The following DNAH3 variants were observed in gnomAD, a reference collection of about 807,000 sequenced individuals.
DNAH3 encodes dynein axonemal heavy chain 3.
A neutral mutation model predicts 432.5 loss-of-function variants in DNAH3; 332 were observed. The observed-to-expected ratio is 0.77, with a 90% CI of 0.70 to 0.84. The LOEUF is 0.84. Among genes scored for constraint, DNAH3 ranks in the 40% least tolerant of loss-of-function variants. The pLI is 0.00. For missense variants in DNAH3, 4,861 were observed against 5,114.0 expected, an observed-to-expected ratio of 0.95 and a Z score of 1.51; for synonymous variants, 1,956 against 1,900.2, an observed-to-expected ratio of 1.03 and a Z score of -0.76.
intron 3 of DNAH3, among the ~76,000 whole-genome samples, chr16:21,143,504 A>C (rs1430066801): frequency 6.6e-6 from 1 of 152,210 alleles, no homozygotes; most frequent in Admixed American, 6.5e-5. Context: ...CCAGAACCAC[A>C]AGATATGAAT....
intron 10 of DNAH3, chr16:21,121,002 T>C (rs749905315): frequency 1.4e-6 from 1 of 719,178 alleles, no homozygotes; most frequent in South Asian, 1.5e-5. Context: ...AAGTACCAGA[T>C]TGCAAAGAGA....
rs141411849 is a variant in DNAH3 at position 20,972,033 on chromosome 16, C to A, written c.8260-2043G>T. ...AACATTAAAGAGTTGCCAATTCATG[C>A]GCCTCAGGGGCCAGGCCAGTGAGTG... On this transcript the variant is annotated intron_variant, in intron 51 of 61. Transcript: ENST00000261383. 3.5e-3 allele frequency among the ~76,000 whole-genome samples: 534 copies of A among 152,278 alleles called. 3 individuals are homozygous for A. Among genetic ancestry groups the A allele is most frequent in the Non-Finnish European group, 6.2e-3 (424 of 68,024 alleles).
chr16:20,937,656 G>A (rs2083644643), intron 59 of DNAH3, among the ~76,000 whole-genome samples: 1 of 150,732 alleles, frequency 6.6e-6, no homozygotes, highest in Admixed American at 6.7e-5. Flanking sequence ...AGTCTCCTGA[G>A]TAGCTGGGAC....
At chr16:21,069,332 G>C in intron 23 of DNAH3, 83 bp downstream of exon 23, 1 of 1,228,726 alleles carries the variant, frequency 8.1e-7, no homozygotes, top group Non-Finnish European at 1.2e-6. Context: ...TCATTTACAA[G>C]TTTCAAGGAA....
intron 20 of DNAH3, 48 bp from the exon 21 acceptor site, chr16:21,075,609 A>G: frequency 1.4e-6 from 2 of 1,450,178 alleles, no homozygotes; most frequent in Non-Finnish European, 1.9e-6. Flanking sequence ...GGCAGAGAAG[A>G]CACATCAAAG....
rs2090394576 is a variant in DNAH3 at position 21,062,477 on chromosome 16, G to A, written c.3720+5C>T. The A allele has an allele frequency of 6.2e-7, 1 of 1,613,802 alleles. No homozygotes were observed. The highest frequency in any genetic ancestry group is 1.3e-5 in the African/African-American group (1 of 75,048). On this transcript the variant is annotated splice_donor_5th_base_variant and intron_variant, in intron 25 of 61. Transcript: ENST00000261383. ...AAAGAACCAAAAATGGGTAAGAGGAGTTACCTTGGCATTAGCTGGGTAGAT... is the reference window on the plus strand; with the variant it reads ...AAAGAACCAAAAATGGGTAAGAGGAATTACCTTGGCATTAGCTGGGTAGAT...
chr16:21,032,702 A>G (rs982311579), intron 36 of DNAH3, among the ~76,000 whole-genome samples: 6 of 151,884 alleles, frequency 4.0e-5, no homozygotes, highest in Non-Finnish European at 8.8e-5. Context: ...GATCCCAGCT[A>G]CCCGGGAGCC....
intron 11 of DNAH3, 43 bp from the exon 12 acceptor site, chr16:21,117,382 A>T: frequency 8.9e-7 from 1 of 1,119,392 alleles, no homozygotes; most frequent in Non-Finnish European, 1.3e-6. Flanking sequence ...AGACTTAAGA[A>T]GGGAGATGGT....
chr16:21,052,491 A>G (rs2089994375), intron 28 of DNAH3, among the ~76,000 whole-genome samples: 1 of 152,216 alleles, frequency 6.6e-6, no homozygotes, highest in African/African-American at 2.4e-5. Context: ...TGATTCCACC[A>G]TGACCTAGCT....
At chr16:21,125,457 G>A (rs1156239154) in intron 8 of DNAH3, 87 bp from the exon 10 acceptor site, 4 of 1,136,690 alleles carry the variant, frequency 3.5e-6, no homozygotes, top group Non-Finnish European at 4.8e-6. Context: ...CAGTGATGAG[G>A]CAGATGGGCT....
At chr16:20,961,762 T>TGG (rs57990586) in intron 53 of DNAH3, among the ~76,000 whole-genome samples, 2 of 136,334 alleles carry the variant, frequency 1.5e-5, no homozygotes, top group African/African-American at 5.6e-5. Flanking sequence ...TTCTGGTTTT[T>TGG]TTTTTTTTTT....
At chr16:21,057,504 G>A (rs771888149) in intron 27 of DNAH3, among the ~76,000 whole-genome samples, 2 of 152,174 alleles carry the variant, frequency 1.3e-5, no homozygotes, top group Admixed American at 1.3e-4. Context: ...TGAGAGTCGG[G>A]TTAAGTTGCT....
intron 1 of DNAH3, among the ~76,000 whole-genome samples, chr16:21,149,431 A>G (rs1251679291): frequency 6.6e-6 from 1 of 152,184 alleles, no homozygotes; most frequent in African/African-American, 2.4e-5. Flanking sequence ...CACAGATACA[A>G]CAGAAATTCT....
chr16:20,987,164 C>G, intron 47 of DNAH3, 141 bp downstream of exon 47: 1 of 976,096 alleles, frequency 1.0e-6, no homozygotes, highest in East Asian at 2.5e-5. Flanking sequence ...TCAAAAAGAG[C>G]AGTTGACTCA....
At chr16:21,133,335 C>T (rs1007329421) in intron 7 of DNAH3, among the ~76,000 whole-genome samples, 1 of 145,526 alleles carries the variant, frequency 6.9e-6, no homozygotes, top group Non-Finnish European at 1.5e-5. Context: ...TGCACTCCAG[C>T]CTGGGTGACA....
chr16:20,970,030 G>T, intron 51 of DNAH3, 40 bp from the exon 52 acceptor site: 1 of 1,594,082 alleles, frequency 6.3e-7, no homozygotes, highest in Non-Finnish European at 8.6e-7. Flanking sequence ...AGTGCCCAGG[G>T]CCTGGCACAA....
Position 21,106,512 on chromosome 16 carries a change from CA to C in DNAH3, c.2261del (p.Leu754ArgfsTer33). ...TACACGGCAAGTCTGCATAGTCCAT[CA>C]GGAACTCCAGCCGTTCACTTGCATC... On this transcript the variant is annotated frameshift_variant, in exon 15 of 62. Coordinates refer to ENST00000261383, the Ensembl canonical transcript of DNAH3. LOFTEE classifies it high-confidence loss of function. 6.2e-7 allele frequency: 1 copy of C among 1,610,338 alleles called. No individual in the cohort carries two copies. The highest frequency in any genetic ancestry group is 8.5e-7 in the Non-Finnish European group (1 of 1,177,380).
intron 39 of DNAH3, among the ~76,000 whole-genome samples, chr16:21,023,576 G>A (rs1258636954): frequency 1.3e-5 from 2 of 152,132 alleles, no homozygotes; most frequent in Non-Finnish European, 2.9e-5. Context: ...AAGCCTTGAG[G>A]TGATGAAACC....
intron 7 of DNAH3, among the ~76,000 whole-genome samples, chr16:21,132,851 C>G (rs2152822131): frequency 6.6e-6 from 1 of 152,042 alleles, no homozygotes; most frequent in Middle Eastern, 3.4e-3. Context: ...TAAAAACTTG[C>G]ATTGTGTACT....
Sources: gnomAD v4.1 joint callset for allele counts (sites outside exome capture counted in the v4.1 genomes callset) on GRCh38, gnomAD v4.1.1 for gene constraint, MANE v1.5 for transcripts, NCBI Gene and HGNC (gene_info 2026-07-23, HGNC 2026-07-21) for gene names.